The following ARHGAP12 variants were observed in gnomAD, a reference collection of about 807,000 sequenced individuals.
The protein encoded by ARHGAP12 is rho GTPase-activating protein 12.
Under a neutral mutation model 108.6 loss-of-function variants are expected in ARHGAP12, and 64 were observed. The ratio of observed to expected loss-of-function variants is 0.59; its 90% CI spans 0.48 to 0.73. The LOEUF (loss-of-function observed/expected upper bound fraction) is 0.73. Among genes scored for constraint, ARHGAP12 ranks in the 30% least tolerant of loss-of-function variants. The pLI, the probability that ARHGAP12 is intolerant of heterozygous loss-of-function variation, is 0.00. For synonymous variants in ARHGAP12, 312 were observed against 337.2 expected (o/e 0.93, Z 0.82); for missense variants, 940 against 1,005.9 (o/e 0.93, Z 0.89).
intron 3 of ARHGAP12, among the ~76,000 whole-genome samples, chr10:31,898,950 G>A (rs1485465017): frequency 1.3e-5 from 2 of 152,132 alleles, no homozygotes; most frequent in African/African-American, 4.8e-5. Context: ...CTCCAAAAGT[G>A]GCAGATGGAT....
At chr10:31,868,660 G>A (rs1837422771) in intron 3 of ARHGAP12, among the ~76,000 whole-genome samples, 1 of 152,052 alleles carries the variant, frequency 6.6e-6, no homozygotes, top group Admixed American at 6.6e-5. Flanking sequence ...TTAGGGCCAG[G>A]TGTGGTGACT....
intron 3 of ARHGAP12, among the ~76,000 whole-genome samples, chr10:31,899,133 T>TA (rs887946043): frequency 5.3e-5 from 8 of 152,146 alleles, no homozygotes; most frequent in Admixed American, 1.3e-4. Context: ...TCTATGGAGA[T>TA]AGAGAATAGA....
At chr10:31,839,261 T>G in intron 9 of ARHGAP12, 44 bp downstream of exon 9, 1 of 1,567,506 alleles carries the variant, frequency 6.4e-7, no homozygotes, top group Non-Finnish European at 8.7e-7. Context: ...GCATAGAAAA[T>G]GAAGGTGTCT....
chr10:31,864,542 C>T (rs1024828559), intron 3 of ARHGAP12, among the ~76,000 whole-genome samples: 2 of 152,110 alleles, frequency 1.3e-5, no homozygotes, highest in African/African-American at 4.8e-5. Context: ...GTACACTGCC[C>T]AGTACACAGG....
chr10:31,824,560 C>T (rs113392554), intron 11 of ARHGAP12, among the ~76,000 whole-genome samples: 1 of 152,026 alleles, frequency 6.6e-6, no homozygotes, highest in Admixed American at 6.5e-5. Context: ...AGTTCTGAAT[C>T]GTGTGTAAGA....
chr10:31,870,444 G>C (rs980812963), intron 3 of ARHGAP12, among the ~76,000 whole-genome samples: 14 of 152,038 alleles, frequency 9.2e-5, no homozygotes, highest in Admixed American at 8.5e-4. Context: ...TGGCCAGGCT[G>C]GTCTCGAGCT....
At chr10:31,884,379 T>C (rs2132378443) in intron 3 of ARHGAP12, among the ~76,000 whole-genome samples, 1 of 152,136 alleles carries the variant, frequency 6.6e-6, no homozygotes, top group African/African-American at 2.4e-5. Context: ...TTGCCTGGAT[T>C]CTCACATCTG....
chr10:31,807,842 A>T lies in ARHGAP12; in HGVS notation c.2367-10T>A, dbSNP rs1212633245. On this transcript the variant is annotated splice_polypyrimidine_tract_variant and intron_variant, in intron 19 of 19. Transcript: ENST00000344936. ...TCCATTTTCTATAACTCTGAAGGGA[A>T]AAAAAGAAGTTGTTAAAAGAGAAAA... The T allele has an allele frequency of 1.3e-6, 2 of 1,498,630 alleles. No homozygotes were observed. The highest frequency in any genetic ancestry group is 1.8e-6 in the Non-Finnish European group (2 of 1,121,468). The allele number at this position is 1,498,630 out of a possible 1,614,324, so 92.8% of individuals were successfully genotyped here.
chr10:31,908,133 G>C (rs768628686), intron 3 of ARHGAP12, 39 bp downstream of exon 3: 2 of 1,495,666 alleles, frequency 1.3e-6, no homozygotes, highest in African/African-American at 1.4e-5. Context: ...ATTTTCACTA[G>C]GGTGGTACAG....
At chr10:31,905,066 A>T (rs751333546) in intron 3 of ARHGAP12, among the ~76,000 whole-genome samples, 33 of 152,180 alleles carry the variant, frequency 2.2e-4, no homozygotes, top group Non-Finnish European at 4.7e-4. Flanking sequence ...TGAGGGTGTG[A>T]TATCGACAAG....
chr10:31,839,663 G>A lies in ARHGAP12; in HGVS notation c.1345C>T (p.Pro449Ser). The stretch of plus-strand genomic sequence containing the variant: ...GTATCTTGGTGCTTTGGTGAGGAGG[G>A]AGAAGACTCATTTTCAGGAAAGCAG... ...KPCFPENESSPSSPKHQDTAS... is the reference protein window; with the variant it reads ...KPCFPENESSSSSPKHQDTAS... The change falls in exon 8 of 20, where the codon CCC (proline) becomes TCC (serine). Residue 449 changes from proline (P) to serine (S), a missense_variant. Transcript: ENST00000344936. 2 of 1,608,714 alleles carry A rather than the reference G, an allele frequency of 1.2e-6. No individual in the cohort carries two copies. Among genetic ancestry groups the A allele is most frequent in the South Asian group, 1.1e-5 (1 of 90,496 alleles).
chr10:31,909,052 A>G, intron 2 of ARHGAP12, 126 bp from the exon 3 acceptor site: 1 of 549,914 alleles, frequency 1.8e-6, no homozygotes, highest in Non-Finnish European at 3.1e-6. Flanking sequence ...TCAAACCCCA[A>G]AAAGCAAACA....
At chr10:31,839,277 T>G in intron 9 of ARHGAP12, 28 bp downstream of exon 9, 1 of 1,601,152 alleles carries the variant, frequency 6.2e-7, no homozygotes, top group Non-Finnish European at 8.5e-7. Flanking sequence ...TGTCTATGCC[T>G]ATTAAGAAGG....
In ARHGAP12 at chr10:31,908,662, G is replaced by A. The variant is rs746608972; in HGVS notation, c.194C>T (p.Pro65Leu). ...PDENSKAFYV[P>L]AQYVKEVTRK... ...CGTGACCTCCTTCACATACTGGGCTGGCACATAAAACGCTTTGGAGTTTTC... is the reference window on the plus strand; with the variant it reads ...CGTGACCTCCTTCACATACTGGGCTAGCACATAAAACGCTTTGGAGTTTTC... Residue 65 changes from proline to leucine, a missense_variant, in exon 3 of 20, where the codon CCA becomes CTA. Physicochemically the swap from Pro to Leu is moderately conservative, Grantham distance 98. Transcript: ENST00000344936. 1 of 1,614,098 alleles carries A rather than the reference G, an allele frequency of 6.2e-7. No individual in the cohort carries two copies. Among genetic ancestry groups the A allele is most frequent in the Non-Finnish European group, 8.5e-7 (1 of 1,180,008 alleles).
At chr10:31,842,255 T>C (rs1836297656) in intron 7 of ARHGAP12, among the ~76,000 whole-genome samples, 2 of 152,086 alleles carry the variant, frequency 1.3e-5, no homozygotes, top group South Asian at 2.1e-4. Flanking sequence ...TATATGGTAT[T>C]TGGGAGATTC....
At chr10:31,905,375 C>G (rs1168983333) in intron 3 of ARHGAP12, among the ~76,000 whole-genome samples, 1 of 152,132 alleles carries the variant, frequency 6.6e-6, no homozygotes, top group African/African-American at 2.4e-5. Flanking sequence ...GGACTACAAG[C>G]GCACACTAAA....
chr10:31,838,948 T>G (rs542125623), intron 9 of ARHGAP12, among the ~76,000 whole-genome samples: 57 of 151,532 alleles, frequency 3.8e-4, no homozygotes, highest in Non-Finnish European at 4.3e-4. Flanking sequence ...GGCAGGTGGT[T>G]GAGGCTGCAG....
intron 3 of ARHGAP12, among the ~76,000 whole-genome samples, chr10:31,869,745 A>G (rs184354469): frequency 6.6e-6 from 1 of 152,314 alleles, no homozygotes; most frequent in Admixed American, 6.5e-5. Flanking sequence ...TATCCACTGA[A>G]AAGAAAAATT....
At chr10:31,842,686 A>C (rs1248616089) in intron 7 of ARHGAP12, among the ~76,000 whole-genome samples, 1 of 152,124 alleles carries the variant, frequency 6.6e-6, no homozygotes, top group Non-Finnish European at 1.5e-5. Flanking sequence ...GGGATAGTTA[A>C]TTCTGTTTTC....
Sources: gnomAD v4.1 joint callset for allele counts (sites outside exome capture counted in the v4.1 genomes callset) on GRCh38, gnomAD v4.1.1 for gene constraint, MANE v1.5 for transcripts, NCBI Gene and HGNC (gene_info 2026-07-23, HGNC 2026-07-21) for gene names.